LUZP2: variants seen among roughly 807,000 people sequenced by gnomAD.
LUZP2 encodes the protein leucine zipper protein 2.
Under a neutral mutation model 51.6 loss-of-function variants are expected in LUZP2, and 52 were observed. The ratio of observed to expected loss-of-function variants is 1.01; its 90% CI spans 0.81 to 1.27. The LOEUF is 1.27. Ranked by LOEUF, LUZP2 falls within the 50% of genes most tolerant of loss-of-function variation. The pLI is 0.00. For synonymous variants in LUZP2, 154 were observed against 137.3 expected (o/e 1.12, Z -0.85); for missense variants, 436 against 395.4 (o/e 1.10, Z -0.87).
intron 5 of LUZP2, among the ~76,000 whole-genome samples, chr11:24,788,180 A>ATTTTTT (rs61308017): frequency 1.2e-4 from 10 of 83,392 alleles, no homozygotes; most frequent in African/African-American, 2.6e-4. Flanking sequence ...TTTGTTTTTA[A>ATTTTTT]TTTTTTTTTT....
intron 5 of LUZP2, among the ~76,000 whole-genome samples, chr11:24,899,880 A>G (rs1461373970): frequency 6.6e-6 from 1 of 152,190 alleles, no homozygotes; most frequent in African/African-American, 2.4e-5. Flanking sequence ...AAGCTAATAG[A>G]TAGAACAAAG....
At chr11:24,876,923 G>C (rs547933711) in intron 5 of LUZP2, among the ~76,000 whole-genome samples, 2 of 152,210 alleles carry the variant, frequency 1.3e-5, no homozygotes, top group South Asian at 4.1e-4. Context: ...AAATGAGAAG[G>C]GGTCTGGTTC....
chr11:24,556,297 G>A (rs1851867503), intron 1 of LUZP2, among the ~76,000 whole-genome samples: 1 of 152,020 alleles, frequency 6.6e-6, no homozygotes, highest in South Asian at 2.1e-4. Context: ...TTTCCATTGT[G>A]GCATATAATA....
At chr11:24,686,444 A>G (rs1856898706) in intron 1 of LUZP2, among the ~76,000 whole-genome samples, 1 of 152,174 alleles carries the variant, frequency 6.6e-6, no homozygotes, top group Admixed American at 6.5e-5. Context: ...AGCCACCTTA[A>G]ATATGTCCTC....
At chr11:25,061,526 A>G (rs1369950390) in intron 10 of LUZP2, among the ~76,000 whole-genome samples, 2 of 152,172 alleles carry the variant, frequency 1.3e-5, no homozygotes, top group Admixed American at 6.6e-5. Context: ...GGTGAACCGC[A>G]TAGTGAAGCA....
intron 8 of LUZP2, among the ~76,000 whole-genome samples, chr11:24,981,985 A>G (rs974150166): frequency 2.6e-5 from 4 of 151,962 alleles, no homozygotes; most frequent in Non-Finnish European, 5.9e-5. Flanking sequence ...GAAGACACAC[A>G]TGTGGCCAAC....
intron 5 of LUZP2, among the ~76,000 whole-genome samples, chr11:24,857,591 G>A (rs190379419): frequency 1.4e-5 from 2 of 147,782 alleles, no homozygotes; most frequent in East Asian, 4.0e-4. Context: ...TAGGATTGCT[G>A]TGAATGTTAA....
chr11:24,796,491 CTGTGTGTG>C (rs57329413), intron 5 of LUZP2, among the ~76,000 whole-genome samples: 2,834 of 124,620 alleles, frequency 0.023, 87 homozygotes, highest in African/African-American at 0.075. Flanking sequence ...TAATAATAAT[CTGTGTGTG>C]TGTGTGTGTG....
At chr11:25,059,816 A>G (rs1437560077) in intron 10 of LUZP2, among the ~76,000 whole-genome samples, 2 of 152,210 alleles carry the variant, frequency 1.3e-5, no homozygotes, top group African/African-American at 4.8e-5. Flanking sequence ...TGTAATGATC[A>G]GAATTAATAT....
intron 5 of LUZP2, among the ~76,000 whole-genome samples, chr11:24,883,531 A>G (rs113001048): frequency 1.6e-4 from 25 of 152,102 alleles, no homozygotes; most frequent in African/African-American, 5.8e-4. Context: ...TAGCAGCTAA[A>G]CTTTATTGTT....
intron 7 of LUZP2, among the ~76,000 whole-genome samples, chr11:24,956,202 A>T (rs1262468422): frequency 6.6e-6 from 1 of 151,836 alleles, no homozygotes; most frequent in East Asian, 1.9e-4. Context: ...TTCCTAGAAC[A>T]TGTGGATATG....
intron 1 of LUZP2, among the ~76,000 whole-genome samples, chr11:24,702,168 A>C (rs1288987042): frequency 6.6e-6 from 1 of 152,228 alleles, no homozygotes; most frequent in African/African-American, 2.4e-5. Flanking sequence ...GCTTATCAAC[A>C]TGTGAAGATG....
chr11:24,973,642 C>T (rs1855810281), intron 7 of LUZP2, among the ~76,000 whole-genome samples: 1 of 151,822 alleles, frequency 6.6e-6, no homozygotes, highest in African/African-American at 2.4e-5. Context: ...TACATTGTCT[C>T]ATTAGTTTTA....
intron 3 of LUZP2, among the ~76,000 whole-genome samples, chr11:24,734,759 T>G (rs1341208140): frequency 6.6e-6 from 1 of 151,932 alleles, no homozygotes; most frequent in East Asian, 1.9e-4. Flanking sequence ...AGAGAAAAAA[T>G]ATCACCTTTG....
chr11:24,999,752 GTTAA>G (rs1233003726), intron 9 of LUZP2, among the ~76,000 whole-genome samples: 4 of 152,246 alleles, frequency 2.6e-5, no homozygotes, highest in Admixed American at 2.6e-4. Flanking sequence ...TCACAACCTT[GTTAA>G]TTAAGTCTTA....
At chr11:24,918,746 T>A (rs1260196303) in intron 7 of LUZP2, among the ~76,000 whole-genome samples, 1 of 150,498 alleles carries the variant, frequency 6.6e-6, no homozygotes, top group East Asian at 1.9e-4. Context: ...ATGCAAACAA[T>A]ATTTTAACAT....
intron 5 of LUZP2, among the ~76,000 whole-genome samples, chr11:24,768,528 T>A (rs1860280609): frequency 6.6e-6 from 1 of 152,154 alleles, no homozygotes; most frequent in African/African-American, 2.4e-5. Flanking sequence ...GGGTTAATAT[T>A]TAAAATATGT....
chr11:25,017,694 C>T (rs906532006), intron 9 of LUZP2, among the ~76,000 whole-genome samples: 2 of 152,068 alleles, frequency 1.3e-5, no homozygotes, highest in African/African-American at 4.8e-5. Flanking sequence ...AACACAATAC[C>T]TCCAAGTTTG....
At chr11:24,561,848 A>C (rs145917472) in intron 1 of LUZP2, among the ~76,000 whole-genome samples, 1 of 100,344 alleles carries the variant, frequency 1.0e-5, no homozygotes, top group Non-Finnish European at 2.1e-5. Flanking sequence ...ATAAAGAATT[A>C]TGCTAAGGAA....
Sources: allele counts gnomAD v4.1 joint callset (sites outside exome capture counted in the v4.1 genomes callset), GRCh38; gene constraint gnomAD v4.1.1; transcripts MANE v1.5; gene names NCBI Gene and HGNC (gene_info 2026-07-23, HGNC 2026-07-21).